The following TAFA2 variants were observed in gnomAD, a reference collection of about 807,000 sequenced individuals.
TAFA2 encodes the protein TAFA chemokine like family member 2, also known as chemokine-like protein TAFA-2.
A neutral mutation model predicts 18.8 loss-of-function variants in TAFA2; 7 were observed. The observed-to-expected ratio is 0.37, with a 90% CI of 0.21 to 0.70. The LOEUF is 0.70. Ranked by LOEUF, TAFA2 falls within the 30% of genes least tolerant of loss-of-function variation. The pLI is 0.53. For missense variants in TAFA2, 122 were observed against 158.1 expected (o/e 0.77, Z 1.23); for synonymous variants, 60 against 54.2 (o/e 1.11, Z -0.47).
At chr12:62,108,180 C>A (rs1869550410) in intron 1 of TAFA2, among the ~76,000 whole-genome samples, 2 of 151,962 alleles carry the variant, frequency 1.3e-5, no homozygotes, top group Non-Finnish European at 2.9e-5. Context: ...ATGTTCCCCT[C>A]CCTGTATCCA....
intron 1 of TAFA2, among the ~76,000 whole-genome samples, chr12:62,199,319 C>T (rs2062661698): frequency 6.6e-6 from 1 of 152,126 alleles, no homozygotes; most frequent in Non-Finnish European, 1.5e-5. Flanking sequence ...GTATTATACC[C>T]CCATGCATAA....
chr12:61,720,694 T>C (rs1344795195), intron 4 of TAFA2: 2 of 360,604 alleles, frequency 5.5e-6, no homozygotes, highest in Non-Finnish European at 1.1e-5. Context: ...CACCTGCTGC[T>C]TTAAACCAAG....
At chr12:62,042,130 T>G (rs1881771963) in intron 1 of TAFA2, among the ~76,000 whole-genome samples, 1 of 151,968 alleles carries the variant, frequency 6.6e-6, no homozygotes, top group African/African-American at 2.4e-5. Context: ...CCTTCATATC[T>G]GAAGGGAATC....
At chr12:61,864,406 ATATATTTC>A (rs1429128387) in intron 2 of TAFA2, among the ~76,000 whole-genome samples, 2 of 148,286 alleles carry the variant, frequency 1.3e-5, no homozygotes, top group Non-Finnish European at 3.0e-5. Flanking sequence ...GTGTGTATAT[ATATATTTC>A]TATATATACA....
intron 1 of TAFA2, among the ~76,000 whole-genome samples, chr12:62,150,714 C>A (rs181934417): frequency 1.3e-5 from 2 of 152,140 alleles, no homozygotes; most frequent in Non-Finnish European, 2.9e-5. Flanking sequence ...ACCAGCCTAG[C>A]CAACATGGTG....
intron 1 of TAFA2, among the ~76,000 whole-genome samples, chr12:62,065,359 T>C (rs761627081): frequency 6.6e-6 from 1 of 151,984 alleles, no homozygotes; most frequent in Admixed American, 6.6e-5. Flanking sequence ...ATTACAAAAA[T>C]CAAATATTCA....
At chr12:62,059,918 T>A (rs1882300445) in intron 1 of TAFA2, among the ~76,000 whole-genome samples, 1 of 152,236 alleles carries the variant, frequency 6.6e-6, no homozygotes, top group African/African-American at 2.4e-5. Flanking sequence ...TAAAATATTT[T>A]TATAATTTTA....
intron 1 of TAFA2, among the ~76,000 whole-genome samples, chr12:62,189,472 T>A (rs1920090): frequency 1.1e-4 from 17 of 152,252 alleles, no homozygotes; most frequent in Admixed American, 1.1e-3. Context: ...AGGATGAGAT[T>A]CAAAACAAAA....
chr12:61,941,621 C>T (rs529626766), intron 1 of TAFA2, among the ~76,000 whole-genome samples: 68 of 152,274 alleles, frequency 4.5e-4, no homozygotes, highest in Admixed American at 1.8e-3. Context: ...CGAAGCAGGG[C>T]GAGGCATTGC....
chr12:62,027,088 G>T (rs1379836949), intron 1 of TAFA2, among the ~76,000 whole-genome samples: 1 of 151,964 alleles, frequency 6.6e-6, no homozygotes, highest in African/African-American at 2.4e-5. Flanking sequence ...TTTAAATTTA[G>T]CTAAATAACA....
intron 1 of TAFA2, among the ~76,000 whole-genome samples, chr12:61,996,050 G>T (rs559357522): frequency 6.6e-6 from 1 of 151,780 alleles, no homozygotes; most frequent in African/African-American, 2.4e-5. Flanking sequence ...GTATTGATAA[G>T]AAATATTTAG....
At chr12:62,253,691 G>C (rs1314072449) in intron 1 of TAFA2, 1 of 152,102 alleles carries the variant, frequency 6.6e-6, no homozygotes, top group Non-Finnish European at 1.5e-5. Flanking sequence ...TACTTTTAAG[G>C]ATTCATATGA....
At chr12:61,716,680 T>C (rs551754220) in intron 4 of TAFA2, among the ~76,000 whole-genome samples, 8 of 152,176 alleles carry the variant, frequency 5.3e-5, no homozygotes, top group Non-Finnish European at 1.2e-4. Context: ...TTATGAACAA[T>C]AGAAGTGAAA....
At chr12:61,735,580 G>C (rs1335994535) in intron 4 of TAFA2, among the ~76,000 whole-genome samples, 1 of 151,872 alleles carries the variant, frequency 6.6e-6, no homozygotes, top group Non-Finnish European at 1.5e-5. Flanking sequence ...ATATATCTGA[G>C]TTGCAGCTAC....
intron 2 of TAFA2, among the ~76,000 whole-genome samples, chr12:61,760,904 C>T (rs1421522912): frequency 6.6e-6 from 1 of 151,818 alleles, no homozygotes; most frequent in Non-Finnish European, 1.5e-5. Context: ...AATTTTTCCT[C>T]CATGGACGTG....
chr12:61,915,694 G>GTCC (rs1029426313), intron 1 of TAFA2, among the ~76,000 whole-genome samples: 1 of 152,166 alleles, frequency 6.6e-6, no homozygotes, highest in African/African-American at 2.4e-5. Context: ...GGAAGTTTAA[G>GTCC]TCCCAGACTC....
At chr12:62,044,733 C>A (rs1881864739) in intron 1 of TAFA2, among the ~76,000 whole-genome samples, 1 of 152,112 alleles carries the variant, frequency 6.6e-6, no homozygotes, top group Admixed American at 6.6e-5. Flanking sequence ...GAACTAGGCT[C>A]CATCTTTATC....
chr12:62,250,117 T>C (rs955896756), intron 1 of TAFA2, among the ~76,000 whole-genome samples: 1 of 152,242 alleles, frequency 6.6e-6, no homozygotes, highest in Non-Finnish European at 1.5e-5. Context: ...GAAGGACTTC[T>C]TTTAGCAAGC....
chr12:62,131,167 G>C (rs1038886371), intron 1 of TAFA2, among the ~76,000 whole-genome samples: 2 of 151,946 alleles, frequency 1.3e-5, no homozygotes, highest in African/African-American at 4.8e-5. Context: ...CACTGGAGTA[G>C]CTAGAAATTG....
Sources: allele counts gnomAD v4.1 joint callset (sites outside exome capture counted in the v4.1 genomes callset), GRCh38; gene constraint gnomAD v4.1.1; transcripts MANE v1.5; gene names NCBI Gene and HGNC (gene_info 2026-07-23, HGNC 2026-07-21).